The following CCAR2 variants were observed in gnomAD, a reference collection of about 807,000 sequenced individuals.
CCAR2 encodes cell cycle and apoptosis regulator 2.
A neutral mutation model predicts 108.1 loss-of-function variants in CCAR2; 21 were observed. That is an observed-to-expected ratio of 0.19 (90% CI 0.14 to 0.28). The LOEUF (loss-of-function observed/expected upper bound fraction) is 0.28, where lower values mean the gene tolerates loss of function less well. Among genes scored for constraint, CCAR2 ranks in the 10% least tolerant of loss-of-function variants. The pLI, the probability that CCAR2 is intolerant of heterozygous loss-of-function variation, is 1.00. For synonymous variants in CCAR2, 577 were observed against 472.8 expected (o/e 1.22, Z -2.86); for missense variants, 1,126 against 1,177.0 (o/e 0.96, Z 0.63).
rs768836652 is a variant in CCAR2, at chr8:22,614,168, C to G, written c.781C>G (p.Leu261Val). 6.2e-7 allele frequency: 1 copy of G among 1,614,134 alleles called. No individual in the cohort carries two copies. The highest frequency in any genetic ancestry group is 8.5e-7 in the Non-Finnish European group (1 of 1,180,050). ...LVPSDFLSVHLSWLSAFPLSQ... is the reference protein window; with the variant it reads ...LVPSDFLSVHVSWLSAFPLSQ... Reference sequence around the variant, plus strand: ...CCCCTCAGATTTTCTGTCCGTGCATCTGAGTTGGCTATCAGCCTTCCCCCT... The same window carrying G: ...CCCCTCAGATTTTCTGTCCGTGCATGTGAGTTGGCTATCAGCCTTCCCCCT... Residue 261 changes from leucine (L) to valine (V), a missense_variant, in exon 9 of 21, where the codon CTG becomes GTG. By Grantham distance (32) the Leu-to-Val change is conservative. Around this residue, in one of 4 missense-constraint regions of CCAR2, gnomAD observed 1,013 missense variants for 993.9 expected, o/e 1.02. Transcript: ENST00000308511.
At chr8:22,606,295 G>C (rs993484473) in intron 3 of CCAR2, 119 bp downstream of exon 3, 1 of 909,760 alleles carries the variant, frequency 1.1e-6, no homozygotes, top group Non-Finnish European at 1.8e-6. Flanking sequence ...CCTGGTAGTG[G>C]GCTAGTATGG....
chr8:22,620,701 C>G (rs1563935538), downstream of CCAR2: 2 of 152,124 alleles, frequency 1.3e-5, no homozygotes, highest in Non-Finnish European at 2.9e-5. Context: ...AGTTACAGCA[C>G]AATACTATGT....
chr8:22,618,132 C>A, intron 16 of CCAR2: 2 of 623,042 alleles, frequency 3.2e-6, no homozygotes, highest in Non-Finnish European at 2.8e-6. Flanking sequence ...CAGGCTGGAG[C>A]ACAGTGGTTA....
Position 22,617,679 on chromosome 8 carries a change from T to C in CCAR2, c.1991-17T>C. The C allele has an allele frequency of 6.2e-7, 1 of 1,614,222 alleles. No homozygotes were observed. The highest frequency in any genetic ancestry group is 8.5e-7 in the Non-Finnish European group (1 of 1,180,026). ...TTGGGTGGGCCCTGCTCTCCATTTA[T>C]CTTGGCCTTTCTGTAGCAGGAGCAA... On this transcript the variant is annotated splice_polypyrimidine_tract_variant and intron_variant, in intron 15 of 20. Coordinates refer to ENST00000308511, the MANE Select transcript of CCAR2 (RefSeq NM_001393997.1).
chr8:22,607,872 T>C (rs34027561), intron 6 of CCAR2, 97 bp from the exon 7 acceptor site: 292,472 of 929,602 alleles, frequency 0.31, 47,018 homozygotes, highest in South Asian at 0.36. Flanking sequence ...GTGATCCATC[T>C]GCACTGTCCT....
chr8:22,616,963 C>A (rs1313455510), intron 14 of CCAR2, among the ~76,000 whole-genome samples: 1 of 106,250 alleles, frequency 9.4e-6, no homozygotes, highest in Non-Finnish European at 1.8e-5. Context: ...CTCACTGCAA[C>A]CTCTGCCTCC....
intron 16 of CCAR2, 112 bp downstream of exon 16, chr8:22,617,890 C>A: frequency 9.1e-7 from 1 of 1,099,528 alleles, no homozygotes; most frequent in Non-Finnish European, 1.4e-6. Flanking sequence ...CTTGATGGAC[C>A]CAACACACAG....
chr8:22,605,646 G>C (rs114854871), intron 1 of CCAR2, 90 bp from the exon 2 acceptor site: 3 of 750,046 alleles, frequency 4.0e-6, no homozygotes, highest in Non-Finnish European at 6.8e-6. Flanking sequence ...CCTGTTTTCC[G>C]AAATATCCTT....
intron 14 of CCAR2, chr8:22,616,540 G>A (rs141810858): frequency 9.1e-6 from 4 of 439,162 alleles, no homozygotes; most frequent in Admixed American, 3.7e-5. Context: ...TTTGTAGGCC[G>A]GGCGCTGTAG....
chr8:22,616,303 T>C, intron 14 of CCAR2, 55 bp downstream of exon 14: 2 of 1,532,610 alleles, frequency 1.3e-6, no homozygotes, highest in Non-Finnish European at 9.0e-7. Context: ...CGCGCACCTT[T>C]ACCCCGGGCT....
chr8:22,614,590 T>C (rs1801422772), intron 10 of CCAR2, 87 bp downstream of exon 10: 2 of 1,284,518 alleles, frequency 1.6e-6, no homozygotes, highest in Admixed American at 1.8e-5. Flanking sequence ...TGTTCCTGAA[T>C]GCATAAAACG....
At chr8:22,608,540 C>T (rs544813269) in intron 7 of CCAR2, among the ~76,000 whole-genome samples, 1 of 152,214 alleles carries the variant, frequency 6.6e-6, no homozygotes, top group Admixed American at 6.5e-5. Flanking sequence ...GAGTTCAGGC[C>T]CCCGTGCCTT....
chr8:22,619,108 C>T (rs1482016824), intron 19 of CCAR2, 42 bp from the exon 20 acceptor site: 4 of 1,601,636 alleles, frequency 2.5e-6, no homozygotes, highest in Non-Finnish European at 1.7e-6. Context: ...TGCTCTGGGC[C>T]TTGATGGAGC....
Position 22,614,927 on chromosome 8 carries a change from G to T in CCAR2, c.1131G>T (p.Pro377=). The part of the protein sequence containing the change: ...SLDGLDPQAD[P]QVLVRTAIRC... ...ATGGCCTCGACCCCCAGGCTGACCC[G>T]CAGGTGCTGGTGCGTACCGCCATCC... Residue 377 remains proline (P), a synonymous_variant, in exon 11 of 21, where the codon CCG becomes CCT. Transcript: ENST00000308511. 1.2e-6 allele frequency: 2 copies of T among 1,612,916 alleles called. No individual in the cohort carries two copies. Among genetic ancestry groups the T allele is most frequent in the Non-Finnish European group, 8.5e-7 (1 of 1,179,644 alleles).
chr8:22,616,525 A>G (rs1418497265), intron 14 of CCAR2: 2 of 487,292 alleles, frequency 4.1e-6, no homozygotes, highest in African/African-American at 1.9e-5. Flanking sequence ...GGTTAACTAG[A>G]AAATTTTGTA....
At chr8:22,621,508 G>A (rs1332794004), downstream of CCAR2, 1 of 1,613,810 alleles carries the variant, frequency 6.2e-7, no homozygotes, top group African/African-American at 1.3e-5. Context: ...GAGTGGCCTG[G>A]CTGGTCAAGC....
chr8:22,613,150 C>A lies in CCAR2; in HGVS notation c.704+14C>A. 1 of 1,557,716 alleles carries A rather than the reference C, an allele frequency of 6.4e-7. No homozygotes were observed. Among genetic ancestry groups the A allele is most frequent in the Non-Finnish European group, 8.7e-7 (1 of 1,151,338 alleles). The stretch of plus-strand genomic sequence containing the variant: ...CACTGTGGACAGGTGAGTGGCGAGG[C>A]TGAGGTGGGCTGAGTCTTGCTGCTG... On this transcript the variant is annotated intron_variant, in intron 8 of 20. Transcript: ENST00000308511.
intron 10 of CCAR2, 96 bp from the exon 11 acceptor site, chr8:22,614,742 C>CTGCTGCCTTCCTCCTGATGGGT: frequency 6.7e-7 from 1 of 1,497,518 alleles, no homozygotes; most frequent in Non-Finnish European, 9.2e-7. Flanking sequence ...TCCCCACTTC[C>CTGCTGCCTTCCTCCTGATGGGT]GGCTGCCTTC....
rs952798427 is a variant in CCAR2, at chr8:22,619,318, C to T, written c.2690C>T (p.Thr897Ile). ...RLLQELRRRL[T>I]PLQLEIQRVV... Reference sequence around the variant, plus strand: ...CTGCAGGAGCTCCGCAGGCGTCTGACCCCCCTGCAGCTGGAGATCCAGCGG... The same window carrying T: ...CTGCAGGAGCTCCGCAGGCGTCTGATCCCCCTGCAGCTGGAGATCCAGCGG... Residue 897 changes from threonine to isoleucine, a missense_variant, in exon 20 of 21, where the codon ACC becomes ATC. Transcript: ENST00000308511. The T allele has an allele frequency of 7.0e-6, 11 of 1,563,472 alleles. No homozygotes were observed. The highest frequency in any genetic ancestry group is 2.7e-5 in the African/African-American group (2 of 73,756).
Sources: gnomAD v4.1 joint callset for allele counts (sites outside exome capture counted in the v4.1 genomes callset) on GRCh38, gnomAD v4.1.1 for gene constraint, gnomAD v4.1.1 regional missense constraint, MANE v1.5 for transcripts, NCBI Gene and HGNC (gene_info 2026-07-23, HGNC 2026-07-21) for gene names.